ATXN2: variants seen among roughly 807,000 people sequenced by gnomAD.
The protein encoded by ATXN2 is ataxin-2.
A neutral mutation model predicts 138.6 loss-of-function variants in ATXN2; 37 were observed. The observed-to-expected ratio is 0.27, with a 90% CI of 0.21 to 0.35. The LOEUF is 0.35. Among genes scored for constraint, ATXN2 ranks in the 10% least tolerant of loss-of-function variants. ATXN2 has a pLI of 1.00. For missense variants in ATXN2, 1,216 were observed against 1,480.3 expected, an observed-to-expected ratio of 0.82 and a Z score of 2.93; for synonymous variants, 549 against 543.7, an observed-to-expected ratio of 1.01 and a Z score of -0.13.
chr12:111,587,336 T>TA (rs1260688935), intron 1 of ATXN2, among the ~76,000 whole-genome samples: 1 of 152,104 alleles, frequency 6.6e-6, no homozygotes, highest in African/African-American at 2.4e-5. Context: ...AACATGACTT[T>TA]AAAAAGCAAT....
At chr12:111,576,125 CATAACATA>C (rs1289407348) in intron 1 of ATXN2, among the ~76,000 whole-genome samples, 115 of 140,350 alleles carry the variant, frequency 8.2e-4, no homozygotes, top group South Asian at 6.2e-3. Context: ...CATAACATAA[CATAACATA>C]ACATCACACC....
At chr12:111,562,625 CAGG>C (rs1809300879) in intron 1 of ATXN2, among the ~76,000 whole-genome samples, 1 of 146,916 alleles carries the variant, frequency 6.8e-6, no homozygotes, top group South Asian at 2.1e-4. Flanking sequence ...GAGGCTGACG[CAGG>C]AGAACTGCTT....
In ATXN2 at chr12:111,599,090, C is replaced by T. The variant is rs1288847357; in HGVS notation, c.-56G>A. 21 of 1,346,502 alleles carry T rather than the reference C, an allele frequency of 1.6e-5. No homozygotes were observed. The highest frequency in any genetic ancestry group is 1.8e-5 in the Non-Finnish European group (19 of 1,047,002). 83.4% of individuals were successfully genotyped at this position (1,346,502 alleles called of 1,614,324 possible). A position where few individuals can be genotyped will look rare whatever the true frequency, so the allele number is the denominator to read the frequency against. ...CGGGCGGGGACAGCCGGGAGCCGGGCGCGCCAAGGAGACGCCGGAACGCGG... is the reference window on the plus strand; with the variant it reads ...CGGGCGGGGACAGCCGGGAGCCGGGTGCGCCAAGGAGACGCCGGAACGCGG... On this transcript the variant is annotated 5_prime_UTR_variant, in exon 1 of 25. Transcript: ENST00000673436.
In ATXN2 at chr12:111,598,949, G is replaced by GGCTGCTGTTGCTGCT. The variant is rs1555246668; in HGVS notation, c.85_86insAGCAGCAACAGCAGC (p.Gln24_Gln28dup). The GGCTGCTGTTGCTGCT allele has an allele frequency of 8.5e-6, 12 of 1,411,994 alleles. No homozygotes were observed. In the Admixed American group the frequency reaches 2.7e-4, roughly 32 times the overall value. 87.5% of individuals were successfully genotyped at this position (1,411,994 alleles called of 1,614,324 possible). A position where few individuals can be genotyped will look rare whatever the true frequency, so the allele number is the denominator to read the frequency against. ...GCGGACATTGGCAGCCGCGGGCGGCGGCTGCTGCTGCTGCTGCTGCTGCTG... is the reference window on the plus strand; with the variant it reads ...GCGGACATTGGCAGCCGCGGGCGGCGGCTGCTGTTGCTGCTGCTGCTGCTGCTGCTGCTGCTGCTG... On this transcript the variant is annotated inframe_insertion, in exon 1 of 25. Transcript: ENST00000673436. The surrounding 1 kb of genome is among the most constrained non-coding windows in gnomAD (Gnocchi z 4.5).
intron 1 of ATXN2, among the ~76,000 whole-genome samples, chr12:111,582,977 GTTTT>G (rs1194475672): frequency 3.7e-5 from 4 of 109,442 alleles, no homozygotes; most frequent in Non-Finnish European, 7.3e-5. Flanking sequence ...CAGTATCTCA[GTTTT>G]TTTTTTTGTT....
rs1400643356 is a variant in ATXN2, at chr12:111,452,396, G to A, written c.*416C>T. The A allele has an allele frequency of 2.0e-5, 3 of 149,104 alleles. No homozygotes were observed. In the South Asian group the frequency reaches 6.0e-4, roughly 30 times the overall value. 9.2% of individuals were successfully genotyped at this position (149,104 alleles called of 1,614,324 possible). ...GACGGTAAGAATTTACTGAAACTTT[G>A]TCAAGTTTAGTAAAAGGGCGTTCCA... is the stretch of plus-strand genomic sequence containing the variant. On this transcript the variant is annotated 3_prime_UTR_variant, in exon 25 of 25. Transcript: ENST00000673436.
intron 23 of ATXN2, chr12:111,455,576 C>G (rs912522457): frequency 1.0e-5 from 3 of 295,714 alleles, no homozygotes; most frequent in African/African-American, 6.4e-5. Context: ...AGAGATGTGT[C>G]TGGAACTCAT....
At chr12:111,470,390 T>G in intron 19 of ATXN2, 150 bp from the exon 20 acceptor site, 1 of 1,205,976 alleles carries the variant, frequency 8.3e-7, no homozygotes, top group Non-Finnish European at 1.1e-6. Flanking sequence ...TCTGAACCTC[T>G]TACAATCATC....
At chr12:111,584,010 C>T (rs542559647) in intron 1 of ATXN2, among the ~76,000 whole-genome samples, 14 of 151,986 alleles carry the variant, frequency 9.2e-5, no homozygotes, top group Admixed American at 2.6e-4. Flanking sequence ...CCTCAAAACT[C>T]TTTCTCAATC....
intron 1 of ATXN2, among the ~76,000 whole-genome samples, chr12:111,578,871 T>A (rs1193936626): frequency 6.6e-6 from 1 of 151,896 alleles, no homozygotes; most frequent in African/African-American, 2.4e-5. Flanking sequence ...TGAGACCTCT[T>A]CTCTACTAAA....
chr12:111,552,156 C>T lies in ATXN2; in HGVS notation c.571+124G>A. 2.8e-6 allele frequency: 3 copies of T among 1,057,012 alleles called. No individual in the cohort carries two copies. Among genetic ancestry groups the T allele is most frequent in the African/African-American group, 1.7e-5 (1 of 59,816 alleles). 65.5% of individuals were successfully genotyped at this position (1,057,012 alleles called of 1,614,324 possible). A position where few individuals can be genotyped will look rare whatever the true frequency, so the allele number is the denominator to read the frequency against. On this transcript the variant is annotated intron_variant, in intron 5 of 24. Transcript: ENST00000673436. The surrounding 1 kb of genome is among the most constrained non-coding windows in gnomAD (Gnocchi z 4.1). ...TCAGCCTCCCTAAGTGCTAAGATTA[C>T]AGGAATGAGCCGCCATACCCAGCCC...
chr12:111,454,948 T>C (rs2135645045), intron 23 of ATXN2: 2 of 675,566 alleles, frequency 3.0e-6, no homozygotes, highest in South Asian at 1.5e-5. Flanking sequence ...CTCCCCACTA[T>C]CAAAAAGCAA....
chr12:111,598,889 G>A lies in ATXN2; in HGVS notation c.146C>T (p.Ala49Val), dbSNP rs1592945355. 2 of 1,498,982 alleles carry A rather than the reference G, an allele frequency of 1.3e-6. No individual in the cohort carries two copies. The highest frequency in any genetic ancestry group is 5.5e-5 in the East Asian group (2 of 36,322). 92.9% of individuals were successfully genotyped at this position (1,498,982 alleles called of 1,614,324 possible). ...PGGSGLLASP[A>V]AAPSPSSSSV... is the part of the protein sequence containing the mutation. ...GGACGAGGACGGCGAAGGCGCGGCG[G>A]CGGGCGACGCTAGAAGGCCGCTGCC... is the stretch of plus-strand genomic sequence containing the variant. Residue 49 changes from alanine (A) to valine (V), a missense_variant, in exon 1 of 25, where the codon GCC becomes GTC. By Grantham distance (64) the Ala-to-Val change is moderately conservative. This residue lies in a region of ATXN2 where 110 missense variants were observed against 88.7 expected (regional missense o/e 1.24). Coordinates refer to ENST00000673436, the MANE Select transcript of ATXN2 (RefSeq NM_001372574.1). This position sits in a 1 kb window ranked among gnomAD's most constrained non-coding sequence, Gnocchi z 4.5.
intron 11 of ATXN2, chr12:111,511,885 A>G (rs1333933434): frequency 2.6e-5 from 4 of 152,242 alleles, no homozygotes; most frequent in Non-Finnish European, 4.4e-5. Context: ...GCATCACATG[A>G]AGCTGAGCAG....
At chr12:111,490,977 G>A (rs905538627) in intron 14 of ATXN2, among the ~76,000 whole-genome samples, 1 of 152,062 alleles carries the variant, frequency 6.6e-6, no homozygotes, top group Admixed American at 6.6e-5. Flanking sequence ...TGAATTTCGG[G>A]CTGGGCACTA....
intron 9 of ATXN2, among the ~76,000 whole-genome samples, 163 bp downstream of exon 9, chr12:111,518,081 CTAATT>C (rs1052246499): frequency 2.6e-5 from 4 of 152,208 alleles, no homozygotes; most frequent in South Asian, 4.1e-4. Context: ...CAATGTTTTA[CTAATT>C]TAATATCCAC....
At chr12:111,571,527 A>G (rs2135813908) in intron 1 of ATXN2, among the ~76,000 whole-genome samples, 1 of 152,268 alleles carries the variant, frequency 6.6e-6, no homozygotes, top group South Asian at 2.1e-4. Context: ...TGGAGGAGCA[A>G]GCAAGAGGCA....
intron 1 of ATXN2, among the ~76,000 whole-genome samples, chr12:111,570,082 T>C (rs916231633): frequency 1.3e-5 from 2 of 152,198 alleles, no homozygotes; most frequent in African/African-American, 4.8e-5. Flanking sequence ...TGTGTGGAAG[T>C]AGCCACAATA....
At chr12:111,459,185 G>A (rs1019087218) in intron 21 of ATXN2, among the ~76,000 whole-genome samples, 2 of 152,178 alleles carry the variant, frequency 1.3e-5, no homozygotes, top group Non-Finnish European at 2.9e-5. Context: ...AGTAGTGAAC[G>A]TCTTCTGGGA....
Sources: gnomAD v4.1 joint callset for allele counts (sites outside exome capture counted in the v4.1 genomes callset) on GRCh38, gnomAD v4.1.1 for gene constraint, gnomAD v4.1.1 regional missense constraint, Gnocchi (gnomAD v3.1) non-coding constraint, MANE v1.5 for transcripts, NCBI Gene and HGNC (gene_info 2026-07-23, HGNC 2026-07-21) for gene names.